The following UBE3C variants were observed in gnomAD, a reference collection of about 807,000 sequenced individuals.
UBE3C encodes ubiquitin protein ligase E3C.
UBE3C carries 42 observed loss-of-function variants against 129.4 expected under a neutral mutation model. That is an observed-to-expected ratio of 0.32 (90% CI 0.25 to 0.42). The LOEUF is 0.42. UBE3C is among the 10% of genes least tolerant of loss of function. The pLI, the probability that UBE3C is intolerant of heterozygous loss-of-function variation, is 1.00. For missense variants in UBE3C, 1,049 were observed against 1,319.1 expected (o/e 0.80, Z 3.17); for synonymous variants, 510 against 492.4 (o/e 1.04, Z -0.47).
At chr7:157,239,737 A>G (rs181704164) in intron 18 of UBE3C, among the ~76,000 whole-genome samples, 48 of 152,300 alleles carry the variant, frequency 3.2e-4, no homozygotes, top group African/African-American at 9.9e-4. Flanking sequence ...GAAATAAGTC[A>G]GTGGAATTGC....
At chr7:157,140,257 A>C (rs1365775166) in intron 1 of UBE3C, among the ~76,000 whole-genome samples, 2 of 150,584 alleles carry the variant, frequency 1.3e-5, no homozygotes, top group Non-Finnish European at 2.9e-5. Flanking sequence ...TATCACAACC[A>C]CCAGGTAGGC....
chr7:157,174,312 TA>T (rs1808457695), intron 4 of UBE3C, among the ~76,000 whole-genome samples: 1 of 152,234 alleles, frequency 6.6e-6, no homozygotes, highest in Admixed American at 6.5e-5. Context: ...ATTTCTCATA[TA>T]TTTTTATTAC....
At chr7:157,187,445 G>C (rs1207420867) in intron 10 of UBE3C, among the ~76,000 whole-genome samples, 19 of 150,046 alleles carry the variant, frequency 1.3e-4, no homozygotes. Context: ...GCAGTGGTGT[G>C]ATCATAGCTC....
intron 18 of UBE3C, among the ~76,000 whole-genome samples, chr7:157,234,119 A>G (rs992293901): frequency 6.0e-5 from 1 of 16,534 alleles, no homozygotes; most frequent in Non-Finnish European, 9.1e-5. Flanking sequence ...ATGATTTGCA[A>G]GTATTTTCTT....
At chr7:157,197,772 C>G in intron 10 of UBE3C, 1 of 1,610,788 alleles carries the variant, frequency 6.2e-7, no homozygotes, top group Non-Finnish European at 8.5e-7. Context: ...CCTGTGTGTA[C>G]TATTGAATCT....
At chr7:157,171,680 ATATATATTTTTTTTTTTTTTTTTTTT>A (rs1297379225) in intron 4 of UBE3C, among the ~76,000 whole-genome samples, 857 of 32,786 alleles carry the variant, frequency 0.026, 14 homozygotes, top group Non-Finnish European at 0.043. Flanking sequence ...ATATATATAT[ATATATATTTTTTTTTTTTTTTTTTTT>A]TTTTTTTTTT....
At chr7:157,162,637 C>T (rs1008770107) in intron 1 of UBE3C, among the ~76,000 whole-genome samples, 1 of 151,572 alleles carries the variant, frequency 6.6e-6, no homozygotes, top group African/African-American at 2.4e-5. Context: ...CCTCCTGGGC[C>T]TAAGTGATCC....
At chr7:157,146,944 C>T (rs1280240544) in intron 1 of UBE3C, among the ~76,000 whole-genome samples, 1 of 152,208 alleles carries the variant, frequency 6.6e-6, no homozygotes, top group Non-Finnish European at 1.5e-5. Flanking sequence ...AGACACCGCG[C>T]CCAACCATAG....
rs1586663387 is a variant in UBE3C, at chr7:157,174,992, C to A, written c.416C>A (p.Thr139Lys). The change falls in exon 5 of 23, where the codon ACA becomes AAA. Residue 139 changes from threonine (T) to lysine (K), a missense_variant. Coordinates refer to ENST00000348165, the MANE Select transcript of UBE3C (RefSeq NM_014671.3). ...VKQLDGSERLTCLFQIKRLMS... is the reference protein window; with the variant it reads ...VKQLDGSERLKCLFQIKRLMS... ...CAGTTGGATGGATCTGAGAGACTTACATGCTTATTTCAGATAAAAAGATTG... is the reference window on the plus strand; with the variant it reads ...CAGTTGGATGGATCTGAGAGACTTAAATGCTTATTTCAGATAAAAAGATTG... 4 of 1,612,660 alleles carry A rather than the reference C, an allele frequency of 2.5e-6. No homozygotes were observed. The highest frequency in any genetic ancestry group is 3.4e-6 in the Non-Finnish European group (4 of 1,179,482).
chr7:157,235,674 T>C (rs1206052638), intron 18 of UBE3C, among the ~76,000 whole-genome samples: 1 of 152,360 alleles, frequency 6.6e-6, no homozygotes, highest in East Asian at 1.9e-4. Context: ...TTATATCTTA[T>C]TAAGGCTGTT....
intron 9 of UBE3C, among the ~76,000 whole-genome samples, chr7:157,184,652 T>C (rs930373439): frequency 2.6e-5 from 4 of 152,232 alleles, no homozygotes; most frequent in African/African-American, 9.6e-5. Flanking sequence ...AGTTTTATAT[T>C]GATTACTACT....
intron 22 of UBE3C, among the ~76,000 whole-genome samples, chr7:157,265,180 C>T (rs1044649608): frequency 2.0e-5 from 3 of 152,204 alleles, no homozygotes; most frequent in Admixed American, 6.5e-5. Flanking sequence ...CTGCCAGGCC[C>T]ACCTCTCAGA....
Position 157,155,108 on chromosome 7 carries a change from A to G in UBE3C, c.67-8702A>G, listed in dbSNP as rs918865217. The stretch of plus-strand genomic sequence containing the variant: ...TGATGCACCTGTAAGTATGTTTTGC[A>G]TTTGTGAAATTGGCGGTTCTCATAT... On this transcript the variant is annotated intron_variant, in intron 1 of 22. Transcript: ENST00000348165. Among the ~76,000 whole-genome samples the G allele has an allele frequency of 2.0e-5, 3 of 152,132 alleles. No homozygotes were observed. The East Asian group carries it at 5.8e-4, about 29-fold the overall frequency.
At chr7:157,205,790 T>G (rs1287132703) in intron 11 of UBE3C, among the ~76,000 whole-genome samples, 1 of 152,164 alleles carries the variant, frequency 6.6e-6, no homozygotes, top group Non-Finnish European at 1.5e-5. Flanking sequence ...GTGGACATAG[T>G]GTATCTTCTC....
chr7:157,196,449 G>C (rs62493392), intron 10 of UBE3C, among the ~76,000 whole-genome samples: 1 of 152,120 alleles, frequency 6.6e-6, no homozygotes, highest in Admixed American at 6.5e-5. Flanking sequence ...TAGTTCTTTA[G>C]ATCTAGTCTG....
chr7:157,188,185 TAAGTAAG>T (rs1808862908), intron 10 of UBE3C, among the ~76,000 whole-genome samples: 1 of 152,236 alleles, frequency 6.6e-6, no homozygotes, highest in Non-Finnish European at 1.5e-5. Context: ...AAGCTGTCAG[TAAGTAAG>T]CAGGTCTGAC....
chr7:157,197,397 C>G (rs373114150), intron 10 of UBE3C, among the ~76,000 whole-genome samples: 1 of 152,114 alleles, frequency 6.6e-6, no homozygotes, highest in East Asian at 1.9e-4. Context: ...ACTAAAAACT[C>G]AAACATACTT....
intron 1 of UBE3C, among the ~76,000 whole-genome samples, chr7:157,157,579 A>G (rs567932736): frequency 2.0e-5 from 3 of 152,046 alleles, no homozygotes; most frequent in Admixed American, 6.5e-5. Flanking sequence ...TGACCTACAA[A>G]GAAATTTAAC....
chr7:157,188,867 G>T, intron 10 of UBE3C: 1 of 492,552 alleles, frequency 2.0e-6, no homozygotes. Context: ...CTCATTCACA[G>T]GCCCTCACTG....
Sources: gnomAD v4.1 joint callset for allele counts (sites outside exome capture counted in the v4.1 genomes callset) on GRCh38, gnomAD v4.1.1 for gene constraint, MANE v1.5 for transcripts, NCBI Gene and HGNC (gene_info 2026-07-23, HGNC 2026-07-21) for gene names.